Variants in DLG2 observed in about 807,000 individuals in gnomAD.
The protein encoded by DLG2 is discs large MAGUK scaffold protein 2.
DLG2 carries 45 observed loss-of-function variants against 132.5 expected under a neutral mutation model. The ratio of observed to expected loss-of-function variants is 0.34; its 90% confidence interval spans 0.27 to 0.44. DLG2 has a LOEUF of 0.44. Ranked by LOEUF, DLG2 falls within the 20% of genes least tolerant of loss-of-function variation. The pLI is 1.00. For synonymous variants in DLG2, 424 were observed against 419.6 expected, an observed-to-expected ratio of 1.01 and a Z score of -0.13; for missense variants, 1,045 against 1,196.9, an observed-to-expected ratio of 0.87 and a Z score of 1.87.
At chr11:85,158,301 G>T (rs917346272) in intron 4 of DLG2, among the ~76,000 whole-genome samples, 4 of 152,090 alleles carry the variant, frequency 2.6e-5, no homozygotes, top group Non-Finnish European at 5.9e-5. Flanking sequence ...ATTTAATGTT[G>T]CAGCTCGAGT....
At chr11:83,597,580 G>A (rs1351795115) in intron 19 of DLG2, among the ~76,000 whole-genome samples, 4 of 151,158 alleles carry the variant, frequency 2.6e-5, no homozygotes, top group Admixed American at 2.0e-4. Context: ...GCCTATAGTC[G>A]CCCCAGCTAC....
chr11:85,222,652 C>T (rs182960007), intron 4 of DLG2, among the ~76,000 whole-genome samples: 4 of 152,300 alleles, frequency 2.6e-5, no homozygotes. Flanking sequence ...TGAATCCAGG[C>T]AATCTAGACC....
intron 6 of DLG2, among the ~76,000 whole-genome samples, chr11:84,602,260 C>T (rs761476739): frequency 6.6e-6 from 1 of 151,682 alleles, no homozygotes; most frequent in Non-Finnish European, 1.5e-5. Flanking sequence ...CATGCAGTGT[C>T]TCAGTTTATT....
At chr11:83,865,702 G>A (rs944282684) in intron 16 of DLG2, among the ~76,000 whole-genome samples, 3 of 152,030 alleles carry the variant, frequency 2.0e-5, no homozygotes, top group Non-Finnish European at 2.9e-5. Context: ...ACATAAAACC[G>A]AAGGAACAGC....
At chr11:85,166,611 T>C (rs1341234448) in intron 4 of DLG2, among the ~76,000 whole-genome samples, 1 of 152,076 alleles carries the variant, frequency 6.6e-6, no homozygotes, top group Non-Finnish European at 1.5e-5. Flanking sequence ...TAATGATTAG[T>C]CCACCTGATC....
At chr11:84,308,271 GA>G (rs1347738096) in intron 7 of DLG2, among the ~76,000 whole-genome samples, 1 of 152,116 alleles carries the variant, frequency 6.6e-6, no homozygotes, top group East Asian at 1.9e-4. Flanking sequence ...GCTAGATACA[GA>G]GTGTGGACAC....
intron 9 of DLG2, among the ~76,000 whole-genome samples, chr11:84,156,606 C>G (rs1245595900): frequency 1.3e-5 from 2 of 152,150 alleles, no homozygotes; most frequent in South Asian, 4.1e-4. Flanking sequence ...ATTCTTTTTG[C>G]AACTAATAAA....
intron 3 of DLG2, among the ~76,000 whole-genome samples, chr11:85,302,719 C>T (rs970891812): frequency 3.3e-5 from 5 of 150,998 alleles, no homozygotes; most frequent in African/African-American, 1.2e-4. Context: ...GAGAGCTGCA[C>T]ATTCAGCGTA....
intron 8 of DLG2, among the ~76,000 whole-genome samples, chr11:84,188,014 A>G (rs1255130109): frequency 1.3e-5 from 2 of 152,136 alleles, no homozygotes; most frequent in African/African-American, 4.8e-5. Context: ...CAAATAGGAT[A>G]CAATTATTGC....
intron 18 of DLG2, among the ~76,000 whole-genome samples, chr11:83,774,352 T>C (rs71468352): frequency 0.039 from 5,951 of 152,332 alleles, 176 homozygotes; most frequent in Middle Eastern, 0.095. Flanking sequence ...TTATCGCTTA[T>C]GGAGGACATA....
intron 3 of DLG2, among the ~76,000 whole-genome samples, chr11:85,388,825 C>A (rs911467080): frequency 2.0e-5 from 3 of 152,114 alleles, no homozygotes; most frequent in African/African-American, 7.2e-5. Flanking sequence ...GGCAGCACCG[C>A]CATGGGACAA....
chr11:85,019,508 T>A (rs896913086), intron 6 of DLG2, among the ~76,000 whole-genome samples: 4 of 152,160 alleles, frequency 2.6e-5, no homozygotes, highest in Non-Finnish European at 5.9e-5. Flanking sequence ...CTGGGGTACT[T>A]GTGCACAATG....
At chr11:84,514,966 T>TA (rs545436418) in intron 7 of DLG2, among the ~76,000 whole-genome samples, 3,397 of 151,446 alleles carry the variant, frequency 0.022, 97 homozygotes, top group African/African-American at 0.066. Flanking sequence ...AAACTAAAAA[T>TA]AAAAAAATTA....
At position 85,017,756 on chromosome 11, in the gene DLG2, C is replaced by A. The variant is rs964669367; in HGVS notation, c.357+93905G>T. The stretch of plus-strand genomic sequence containing the variant: ...AGTCAATACACAACCTCCACCCTCA[C>A]CATATAGGATGCAAACAAACACTTG... On this transcript the variant is annotated intron_variant, in intron 6 of 27. Coordinates refer to ENST00000376104, the MANE Select transcript of DLG2 (RefSeq NM_001142699.3). Among the ~76,000 whole-genome samples the A allele has an allele frequency of 2.6e-4, 39 of 152,286 alleles. 1 individual carries two copies. The highest frequency in any genetic ancestry group is 1.3e-4 in the Admixed American group (2 of 15,288).
At chr11:84,525,119 G>A (rs1462743467) in intron 7 of DLG2, among the ~76,000 whole-genome samples, 7 of 152,056 alleles carry the variant, frequency 4.6e-5, no homozygotes, top group Non-Finnish European at 7.4e-5. Flanking sequence ...GTGGACCTGT[G>A]TTTCAGTCCT....
intron 18 of DLG2, among the ~76,000 whole-genome samples, chr11:83,676,876 T>G (rs543228263): frequency 6.6e-6 from 1 of 152,272 alleles, no homozygotes; most frequent in South Asian, 2.1e-4. Flanking sequence ...TTAAAATATT[T>G]CATCTTTGTT....
intron 18 of DLG2, among the ~76,000 whole-genome samples, chr11:83,691,635 G>T (rs561316094): frequency 6.6e-6 from 1 of 152,132 alleles, no homozygotes; most frequent in Non-Finnish European, 1.5e-5. Context: ...GCTGGTTCTA[G>T]GTGCCTGTAA....
At chr11:83,499,793 T>C (rs2094348708) in intron 21 of DLG2, among the ~76,000 whole-genome samples, 1 of 141,442 alleles carries the variant, frequency 7.1e-6, no homozygotes, top group Non-Finnish European at 1.5e-5. Context: ...ATATTATATA[T>C]ATAATATCAT....
chr11:85,256,289 G>A lies in DLG2; in HGVS notation c.186+28931C>T, dbSNP rs75132794. On this transcript the variant is annotated intron_variant, in intron 4 of 27. Transcript: ENST00000376104. ...AGGAGTTCGGCTAGGGATGATCGGA[G>A]AGGAGATCAGCCACTGGATGACCAA... 4.0e-3 allele frequency among the ~76,000 whole-genome samples: 616 copies of A among 152,228 alleles called. 1 individual carries two copies. Among genetic ancestry groups the A allele is most frequent in the Middle Eastern group, 0.01 (3 of 294 alleles).
Sources: gnomAD v4.1 joint callset for allele counts (sites outside exome capture counted in the v4.1 genomes callset) on GRCh38, gnomAD v4.1.1 for gene constraint, MANE v1.5 for transcripts, NCBI Gene and HGNC (gene_info 2026-07-23, HGNC 2026-07-21) for gene names.